Variants in KIF5A observed in about 807,000 individuals in gnomAD.
KIF5A encodes the protein kinesin heavy chain isoform 5A.
KIF5A carries 35 observed loss-of-function variants against 141.3 expected under a neutral mutation model. The ratio of observed to expected loss-of-function variants is 0.25; its 90% CI spans 0.19 to 0.33. The LOEUF (loss-of-function observed/expected upper bound fraction) is 0.33, where lower values mean the gene tolerates loss of function less well. Ranked by LOEUF, KIF5A falls within the 10% of genes least tolerant of loss-of-function variation. The probability of loss-of-function intolerance (pLI) is 1.00; values close to 1 mark genes in which losing one functional copy is unlikely to be tolerated. For synonymous variants in KIF5A, 448 were observed against 500.2 expected (o/e 0.90, Z 1.39); for missense variants, 861 against 1,314.3 (o/e 0.66, Z 5.33).
chr12:57,572,749 C>T lies in KIF5A; in HGVS notation c.1716+23C>T. On this transcript the variant is annotated intron_variant, in intron 15 of 28. Transcript: ENST00000455537. The surrounding 1 kb of genome is among the most constrained non-coding windows in gnomAD (Gnocchi z 4.2). ...CTGGTGAGTGGTGAGAGACAGCAGCCTTGTTCAGGCTGGGCACTAGTGGAA... is the reference window on the plus strand; with the variant it reads ...CTGGTGAGTGGTGAGAGACAGCAGCTTTGTTCAGGCTGGGCACTAGTGGAA... 1.2e-6 allele frequency: 2 copies of T among 1,614,096 alleles called. No individual in the cohort carries two copies. Among genetic ancestry groups the T allele is most frequent in the Non-Finnish European group, 1.7e-6 (2 of 1,179,956 alleles).
chr12:57,564,075 C>A, intron 3 of KIF5A, 33 bp from the exon 4 acceptor site: 1 of 1,496,240 alleles, frequency 6.7e-7, no homozygotes, highest in South Asian at 1.1e-5. Context: ...TCCCTGAGCC[C>A]CAGCTTCACT....
chr12:57,551,428 C>A (rs768154584), intron 1 of KIF5A, among the ~76,000 whole-genome samples: 2 of 152,210 alleles, frequency 1.3e-5, no homozygotes, highest in Non-Finnish European at 2.9e-5. Context: ...TATCACATTG[C>A]CTACCCAGGT....
chr12:57,580,871 C>A, intron 23 of KIF5A, 85 bp from the exon 24 acceptor site: 1 of 1,239,738 alleles, frequency 8.1e-7, no homozygotes, highest in Non-Finnish European at 1.2e-6. Context: ...TCTCTCTCCT[C>A]ACCCCTGTCC....
intron 16 of KIF5A, 43 bp from the exon 17 acceptor site, chr12:57,575,597 C>A: frequency 6.6e-7 from 1 of 1,517,724 alleles, no homozygotes; most frequent in Non-Finnish European, 9.2e-7. Flanking sequence ...GGGTTTGTGT[C>A]CTTTGCTCCA....
At chr12:57,562,020 C>T (rs1881921855) in intron 1 of KIF5A, among the ~76,000 whole-genome samples, 1 of 152,200 alleles carries the variant, frequency 6.6e-6, no homozygotes, top group Non-Finnish European at 1.5e-5. Flanking sequence ...AAGTCAGTCA[C>T]CTATGATAGA....
rs142538303 is a variant in KIF5A, at chr12:57,568,640, G to T, written c.715-323G>T. ...CTCAGGAGGCTGAGGCAGGATAACC[G>T]CTTGAACCTGGGAGGCGGAGGTTGT... is the stretch of plus-strand genomic sequence containing the variant. On this transcript the variant is annotated intron_variant, in intron 8 of 28. Transcript: ENST00000455537. Among the ~76,000 whole-genome samples the T allele has an allele frequency of 5.1e-3, 782 of 151,956 alleles. 4 individuals carry two copies. The highest frequency in any genetic ancestry group is 0.017 in the African/African-American group (723 of 41,404).
rs1319232269 is a variant in KIF5A, at chr12:57,567,154, C to T, written c.530C>T (p.Pro177Leu). Residue 177 changes from proline (P) to leucine (L), a missense_variant, in exon 7 of 29, where the codon CCG (proline) becomes CTG (leucine). By Grantham distance (98) the Pro-to-Leu change is moderately conservative. Around this residue, in one of 5 missense-constraint regions of KIF5A, gnomAD observed 146 missense variants for 353.4 expected, o/e 0.41. Coordinates refer to ENST00000455537, the MANE Select transcript of KIF5A (RefSeq NM_004984.4). The part of the protein sequence containing the change: ...KGCTERFVSS[P>L]EEILDVIDEG... Reference sequence around the variant, plus strand: ...TGTACTGAACGCTTTGTGTCCAGCCCGGAGGAGATTCTGGATGTGATTGAT... The same window carrying T: ...TGTACTGAACGCTTTGTGTCCAGCCTGGAGGAGATTCTGGATGTGATTGAT... 6 of 1,612,930 alleles carry T rather than the reference C, an allele frequency of 3.7e-6. No individual in the cohort carries two copies. Among genetic ancestry groups the T allele is most frequent in the Non-Finnish European group, 2.5e-6 (3 of 1,179,362 alleles).
rs190187837 is a variant in KIF5A, at chr12:57,576,079, T to G, written c.2024-8T>G. ...TTGATGTCAGCTGTCTTCCCCTCTT[T>G]CCCTTAGAAACTGTGCATGAAGTGG... On this transcript the variant is annotated splice_region_variant and splice_polypyrimidine_tract_variant and intron_variant, in intron 17 of 28. Coordinates refer to ENST00000455537, the MANE Select transcript of KIF5A (RefSeq NM_004984.4). 12 of 1,613,968 alleles carry G rather than the reference T, an allele frequency of 7.4e-6. No homozygotes were observed. The East Asian group carries it at 2.7e-4, about 36-fold the overall frequency.
At chr12:57,559,054 C>T (rs1397697362) in intron 1 of KIF5A, among the ~76,000 whole-genome samples, 5 of 152,190 alleles carry the variant, frequency 3.3e-5, no homozygotes, top group South Asian at 2.1e-4. Flanking sequence ...TCGGATTACA[C>T]GGTACATGAG....
At chr12:57,571,499 G>A in intron 13 of KIF5A, 110 bp downstream of exon 13, 3 of 1,034,464 alleles carry the variant, frequency 2.9e-6, no homozygotes, top group Non-Finnish European at 4.4e-6. Context: ...TCTGCTTGGG[G>A]ATTAATCACT....
intron 1 of KIF5A, among the ~76,000 whole-genome samples, chr12:57,558,758 T>A (rs1039823343): frequency 4.6e-5 from 7 of 152,068 alleles, no homozygotes; most frequent in African/African-American, 1.7e-4. Context: ...CACATAAAGA[T>A]TTATCTCATT....
chr12:57,554,627 G>A (rs1881677397), intron 1 of KIF5A, among the ~76,000 whole-genome samples: 1 of 152,152 alleles, frequency 6.6e-6, no homozygotes, highest in African/African-American at 2.4e-5. Flanking sequence ...CCCAGGCTGG[G>A]TAATTTATAA....
intron 1 of KIF5A, among the ~76,000 whole-genome samples, chr12:57,556,162 G>A (rs1375596541): frequency 1.4e-5 from 2 of 147,472 alleles, no homozygotes; most frequent in Non-Finnish European, 3.0e-5. Context: ...TTTTTCAGAC[G>A]GAGTCTCGCT....
intron 1 of KIF5A, among the ~76,000 whole-genome samples, chr12:57,561,989 T>A (rs1285603786): frequency 6.6e-6 from 1 of 152,230 alleles, no homozygotes; most frequent in African/African-American, 2.4e-5. Flanking sequence ...AAAGATGGAC[T>A]CTGTAGTAAA....
chr12:57,555,447 C>T (rs1217350796), intron 1 of KIF5A, among the ~76,000 whole-genome samples: 2 of 152,048 alleles, frequency 1.3e-5, no homozygotes, highest in African/African-American at 4.8e-5. Flanking sequence ...AAAACTTAGC[C>T]GAGCATGGTG....
chr12:57,566,538 G>A (rs1437698147), intron 6 of KIF5A, among the ~76,000 whole-genome samples: 1 of 151,736 alleles, frequency 6.6e-6, no homozygotes, highest in Non-Finnish European at 1.5e-5. Flanking sequence ...AGCCTCCTGA[G>A]TAGCTGGAAT....
intron 1 of KIF5A, among the ~76,000 whole-genome samples, chr12:57,563,020 T>C (rs1476125189): frequency 1.3e-5 from 2 of 151,554 alleles, no homozygotes; most frequent in Non-Finnish European, 2.9e-5. Context: ...TCTTCTTTTT[T>C]TTTTTGAGAT....
chr12:57,577,852 T>C (rs1882474663), intron 21 of KIF5A, 79 bp downstream of exon 21: 1 of 1,340,624 alleles, frequency 7.5e-7, no homozygotes, highest in African/African-American at 1.4e-5. Context: ...CTATTCCTCC[T>C]GCCCTTTTGC....
intron 1 of KIF5A, among the ~76,000 whole-genome samples, chr12:57,555,737 T>C (rs555138680): frequency 1.3e-3 from 200 of 150,680 alleles, no homozygotes; most frequent in African/African-American, 4.6e-3. Context: ...GGTGAAACCC[T>C]GTCTGTACTG....
Sources: allele counts gnomAD v4.1 joint callset (sites outside exome capture counted in the v4.1 genomes callset), GRCh38; gene constraint gnomAD v4.1.1; regional missense constraint gnomAD v4.1.1; non-coding constraint Gnocchi (gnomAD v3.1); transcripts MANE v1.5; gene names NCBI Gene and HGNC (gene_info 2026-07-23, HGNC 2026-07-21).